VWA3B: variants seen among roughly 807,000 people sequenced by gnomAD.
VWA3B encodes von Willebrand factor A domain containing 3B, also known as von Willebrand factor A domain-containing protein 3B.
Under a neutral mutation model 158.3 loss-of-function variants are expected in VWA3B, and 138 were observed. The ratio of observed to expected loss-of-function variants is 0.87; its 90% CI spans 0.76 to 1.00. The LOEUF is 1.00. VWA3B is among the 50% of genes least tolerant of loss of function. The pLI, the probability that VWA3B is intolerant of heterozygous loss-of-function variation, is 0.00. For synonymous variants in VWA3B, 596 were observed against 587.3 expected (o/e 1.01, Z -0.21); for missense variants, 1,555 against 1,565.1 (o/e 0.99, Z 0.11).
chr2:98,257,916 A>G (rs536783010), intron 21 of VWA3B, among the ~76,000 whole-genome samples: 25 of 152,012 alleles, frequency 1.6e-4, no homozygotes, highest in South Asian at 4.1e-4. Context: ...TGTCAAATCT[A>G]AGAATCCATT....
At chr2:98,175,426 T>G (rs1014993547) in intron 8 of VWA3B, among the ~76,000 whole-genome samples, 5 of 152,102 alleles carry the variant, frequency 3.3e-5, no homozygotes, top group African/African-American at 1.2e-4. Context: ...GTACAAAGTA[T>G]TGAAATGAGG....
chr2:98,093,276 C>T lies in VWA3B; in HGVS notation c.184C>T (p.Pro62Ser). Residue 62 changes from proline (P) to serine (S), a missense_variant, in exon 2 of 28, where the codon CCA becomes TCA. Physicochemically the swap from Pro to Ser is moderately conservative, Grantham distance 74 (BLOSUM62 -1). Coordinates refer to ENST00000477737, the MANE Select transcript of VWA3B (RefSeq NM_144992.5). ...ACAGATTTTGTCACAGATCGGATTC[C>T]CACATTGTGAAGGTACAGTACTCAC... is the stretch of plus-strand genomic sequence containing the variant. ...LKQILSQIGF[P>S]HCEDYVASLG... 6.2e-7 allele frequency: 1 copy of T among 1,613,992 alleles called. No homozygotes were observed. Among genetic ancestry groups the T allele is most frequent in the Non-Finnish European group, 8.5e-7 (1 of 1,179,922 alleles).
chr2:98,300,211 C>A lies in VWA3B; in HGVS notation c.3415C>A (p.Arg1139=), dbSNP rs1450242835. The change falls in exon 25 of 28, where the codon CGG becomes AGG. Residue 1139 remains arginine, a synonymous_variant. Transcript: ENST00000477737. ...CTACACAGTTTTGAAGTGTAACAAC[C>A]GGAGAGTAAGTAGATTTTCATTTAG... ...KFYTVLKCNN[R]REFCPRSALI... is the part of the protein sequence containing the mutation. 6.2e-7 allele frequency: 1 copy of A among 1,614,072 alleles called. No individual in the cohort carries two copies. The highest frequency in any genetic ancestry group is 8.5e-7 in the Non-Finnish European group (1 of 1,180,004).
intron 1 of VWA3B, among the ~76,000 whole-genome samples, chr2:98,090,239 G>A (rs1182975763): frequency 6.6e-6 from 1 of 152,166 alleles, no homozygotes; most frequent in Non-Finnish European, 1.5e-5. Context: ...TCAAAAACAA[G>A]TTGAGGCATA....
intron 26 of VWA3B, among the ~76,000 whole-genome samples, chr2:98,304,485 G>A (rs1690394230): frequency 6.6e-6 from 1 of 152,142 alleles, no homozygotes; most frequent in South Asian, 2.1e-4. Flanking sequence ...TTCTGTTAGA[G>A]CTTGCAGGCT....
intron 19 of VWA3B, among the ~76,000 whole-genome samples, chr2:98,249,284 C>T (rs866064943): frequency 1.3e-5 from 2 of 152,086 alleles, no homozygotes; most frequent in African/African-American, 2.4e-5. Context: ...GATAGGAATA[C>T]AGTAGTGAAT....
intron 2 of VWA3B, among the ~76,000 whole-genome samples, chr2:98,114,326 A>G (rs955647192): frequency 2.0e-5 from 3 of 152,240 alleles, no homozygotes; most frequent in African/African-American, 7.2e-5. Flanking sequence ...TAGTCACTTC[A>G]TCAATGTCAG....
chr2:98,328,409 T>C, the VWA3B span, among the ~76,000 whole-genome samples: 1 of 152,164 alleles, frequency 6.6e-6, no homozygotes, highest in Non-Finnish European at 1.5e-5. Context: ...AGCAAAAATA[T>C]TTATATTTGC....
Position 98,234,725 on chromosome 2 carries a change from C to T in VWA3B, c.2386C>T (p.Leu796Phe). 6.2e-7 allele frequency: 1 copy of T among 1,614,184 alleles called. No individual in the cohort carries two copies. Among genetic ancestry groups the T allele is most frequent in the African/African-American group, 1.3e-5 (1 of 75,038 alleles). The change falls in exon 17 of 28, where the codon CTC (leucine) becomes TTC (phenylalanine). Residue 796 changes from leucine to phenylalanine, a missense_variant. Transcript: ENST00000477737. ...AGCTTGCAGTGAAAGGAAGGATGGCCTCTCCAATGCCAGCAGCCGGAGGAC... is the reference window on the plus strand; with the variant it reads ...AGCTTGCAGTGAAAGGAAGGATGGCTTCTCCAATGCCAGCAGCCGGAGGAC... ...SSACSERKDG[L>F]SNASSRRTAL... is the part of the protein sequence containing the mutation.
the VWA3B span, among the ~76,000 whole-genome samples, chr2:98,327,001 A>G: frequency 8.5e-5 from 13 of 152,062 alleles, no homozygotes; most frequent in African/African-American, 2.9e-4. Flanking sequence ...ACTTGAAAAA[A>G]AAAAAAAAGT....
the VWA3B span, among the ~76,000 whole-genome samples, chr2:98,321,920 C>A: frequency 6.6e-6 from 1 of 152,118 alleles, no homozygotes; most frequent in African/African-American, 2.4e-5. Flanking sequence ...ATGGGAGGGA[C>A]CCAGTGGGAG....
intron 2 of VWA3B, among the ~76,000 whole-genome samples, chr2:98,100,432 G>A (rs1468234716): frequency 6.6e-6 from 1 of 152,222 alleles, no homozygotes. Context: ...CAGTGTTGGG[G>A]CACACCCAAA....
intron 21 of VWA3B, among the ~76,000 whole-genome samples, chr2:98,260,476 G>A (rs1687413005): frequency 6.6e-6 from 1 of 151,774 alleles, no homozygotes; most frequent in Non-Finnish European, 1.5e-5. Context: ...CAACTATGCA[G>A]CATTTACATT....
At chr2:98,252,776 G>A (rs924184783) in intron 20 of VWA3B, among the ~76,000 whole-genome samples, 1 of 152,070 alleles carries the variant, frequency 6.6e-6, no homozygotes, top group East Asian at 1.9e-4. Context: ...CCCTTCCCAG[G>A]CAAAAGAGAG....
chr2:98,146,351 AG>A (rs1374514943), intron 7 of VWA3B, among the ~76,000 whole-genome samples: 2 of 152,190 alleles, frequency 1.3e-5, no homozygotes, highest in Non-Finnish European at 2.9e-5. Flanking sequence ...GGCATGTCCT[AG>A]GGGAGGAAAG....
In VWA3B at chr2:98,189,119, G is replaced by A. The variant is rs116744486; in HGVS notation, c.1466+990G>A. 2.6e-3 allele frequency among the ~76,000 whole-genome samples: 394 copies of A among 152,248 alleles called. 1 individual carries two copies. The highest frequency in any genetic ancestry group is 8.0e-3 in the African/African-American group (333 of 41,554). ...TGACTAAAGGGTTATTTAGAAATGT[G>A]CTGTTTAGGCTGGGCGCAGTGATTC... On this transcript the variant is annotated intron_variant, in intron 10 of 27. Transcript: ENST00000477737.
At chr2:98,109,734 T>C (rs539465318) in intron 2 of VWA3B, among the ~76,000 whole-genome samples, 1 of 152,156 alleles carries the variant, frequency 6.6e-6, no homozygotes, top group African/African-American at 2.4e-5. Flanking sequence ...AATGTCTTTA[T>C]TTCTACTTTA....
At chr2:98,306,164 C>T (rs1423342789) in intron 26 of VWA3B, among the ~76,000 whole-genome samples, 1 of 152,176 alleles carries the variant, frequency 6.6e-6, no homozygotes, top group Non-Finnish European at 1.5e-5. Flanking sequence ...GCTCAAACGT[C>T]AACACCACCA....
intron 7 of VWA3B, among the ~76,000 whole-genome samples, chr2:98,149,620 T>C (rs2105157975): frequency 6.6e-6 from 1 of 152,326 alleles, no homozygotes; most frequent in Middle Eastern, 3.4e-3. Flanking sequence ...ACTTTCAATT[T>C]TCCATCCGCC....
Sources: gnomAD v4.1 joint callset for allele counts (sites outside exome capture counted in the v4.1 genomes callset) on GRCh38, gnomAD v4.1.1 for gene constraint, MANE v1.5 for transcripts, NCBI Gene and HGNC (gene_info 2026-07-23, HGNC 2026-07-21) for gene names.